The following ARHGAP19 variants were observed in gnomAD, a reference collection of about 807,000 sequenced individuals.
The protein encoded by ARHGAP19 is rho GTPase-activating protein 19.
A neutral mutation model predicts 60.9 loss-of-function variants in ARHGAP19; 48 were observed. The ratio of observed to expected loss-of-function variants is 0.79; its 90% CI spans 0.62 to 1.00. The LOEUF is 1.00. ARHGAP19 is among the 50% of genes least tolerant of loss of function. The probability of loss-of-function intolerance (pLI) is 0.00; values close to 1 mark genes in which losing one functional copy is unlikely to be tolerated. For missense variants in ARHGAP19, 562 were observed against 597.2 expected (o/e 0.94, Z 0.61); for synonymous variants, 209 against 215.5 (o/e 0.97, Z 0.27).
chr10:97,236,806 A>G (rs1449066701), intron 8 of ARHGAP19, among the ~76,000 whole-genome samples: 1 of 141,876 alleles, frequency 7.0e-6, no homozygotes, highest in East Asian at 2.0e-4. Flanking sequence ...AGACTCAGAA[A>G]AAAAAAAAAA....
intron 4 of ARHGAP19, among the ~76,000 whole-genome samples, chr10:97,259,891 A>AATG (rs1842806276): frequency 2.0e-5 from 3 of 151,910 alleles, no homozygotes; most frequent in African/African-American, 7.3e-5. Context: ...GCTGGAGTGC[A>AATG]GTTACACAAT....
At chr10:97,273,484 C>CTTTTTTTT (rs11442502) in intron 1 of ARHGAP19, among the ~76,000 whole-genome samples, 2 of 92,498 alleles carry the variant, frequency 2.2e-5, no homozygotes, top group African/African-American at 8.3e-5. Flanking sequence ...TTTCTGCTCT[C>CTTTTTTTT]TTTTTTTTTT....
chr10:97,265,821 A>C, intron 2 of ARHGAP19, 39 bp downstream of exon 2: 1 of 1,597,404 alleles, frequency 6.3e-7, no homozygotes, highest in Non-Finnish European at 8.5e-7. Flanking sequence ...CCCAGGGAGC[A>C]GCTGAGGCCT....
At position 97,249,786 on chromosome 10, in the gene ARHGAP19, G is replaced by A. The variant is rs865953383; in HGVS notation, c.928-3449C>T. 1.8e-3 allele frequency among the ~76,000 whole-genome samples: 274 copies of A among 148,314 alleles called. 1 individual carries two copies. The highest frequency in any genetic ancestry group is 2.3e-3 in the Non-Finnish European group (154 of 67,508). Reference sequence around the variant, plus strand: ...TTTTAGTTTCTTAGATGTGATAATAGTAGTGTGATTCTTTTTTTTTTTTTT... The same window carrying A: ...TTTTAGTTTCTTAGATGTGATAATAATAGTGTGATTCTTTTTTTTTTTTTT... On this transcript the variant is annotated intron_variant, in intron 6 of 11. Transcript: ENST00000358531.
At chr10:97,232,993 C>CA (rs1851053421) in intron 9 of ARHGAP19, among the ~76,000 whole-genome samples, 1 of 151,814 alleles carries the variant, frequency 6.6e-6, no homozygotes, top group Non-Finnish European at 1.5e-5. Context: ...ACTAAAAATA[C>CA]AAAAAATTAG....
chr10:97,235,853 AGAAGACCCAATGCATT>A (rs1399100257), intron 8 of ARHGAP19, among the ~76,000 whole-genome samples: 1 of 152,232 alleles, frequency 6.6e-6, no homozygotes, highest in East Asian at 1.9e-4. Flanking sequence ...GTGGAAAACG[AGAAGACCCAATGCATT>A]GAATAATCTT....
At chr10:97,254,721 A>AACACACTATC (rs1219790634) in intron 6 of ARHGAP19, among the ~76,000 whole-genome samples, 9 of 152,214 alleles carry the variant, frequency 5.9e-5, no homozygotes, top group African/African-American at 1.9e-4. Context: ...TGCACATCAA[A>AACACACTATC]ACACACTATC....
chr10:97,226,270 G>T, intron 11 of ARHGAP19, 138 bp from the exon 12 acceptor site: 1 of 807,848 alleles, frequency 1.2e-6, no homozygotes, highest in South Asian at 1.7e-5. Flanking sequence ...AAGAATGTGT[G>T]ACTCTACCAA....
intron 1 of ARHGAP19, among the ~76,000 whole-genome samples, chr10:97,279,794 T>C (rs1258370514): frequency 6.6e-6 from 1 of 152,048 alleles, no homozygotes; most frequent in Non-Finnish European, 1.5e-5. Flanking sequence ...CCAGCCCAAA[T>C]TTCAAACTAA....
At chr10:97,250,126 G>A (rs1362222349) in intron 6 of ARHGAP19, among the ~76,000 whole-genome samples, 1 of 152,058 alleles carries the variant, frequency 6.6e-6, no homozygotes, top group Non-Finnish European at 1.5e-5. Context: ...ATTGGGAGAT[G>A]CATACATAAG....
intron 1 of ARHGAP19, among the ~76,000 whole-genome samples, chr10:97,282,495 G>A (rs1214919739): frequency 6.6e-6 from 1 of 152,110 alleles, no homozygotes; most frequent in African/African-American, 2.4e-5. Context: ...GCTTAAGCTA[G>A]TTTTAGTTTC....
intron 1 of ARHGAP19, among the ~76,000 whole-genome samples, chr10:97,290,179 T>C (rs1280238971): frequency 2.0e-5 from 3 of 152,192 alleles, no homozygotes; most frequent in East Asian, 1.9e-4. Context: ...TGCACTCTTC[T>C]GGTCTATGTT....
chr10:97,240,530 A>C (rs1842462370), intron 8 of ARHGAP19, among the ~76,000 whole-genome samples: 1 of 152,194 alleles, frequency 6.6e-6, no homozygotes. Context: ...GCTCCACTAT[A>C]ATCTCAGTTA....
intron 1 of ARHGAP19, among the ~76,000 whole-genome samples, chr10:97,267,805 G>A (rs901334908): frequency 2.0e-5 from 3 of 152,168 alleles, no homozygotes; most frequent in East Asian, 1.9e-4. Context: ...CAGGGACTGC[G>A]CAAAGCAGCA....
At chr10:97,279,515 C>A (rs1843057460) in intron 1 of ARHGAP19, among the ~76,000 whole-genome samples, 1 of 128,786 alleles carries the variant, frequency 7.8e-6, no homozygotes, top group Non-Finnish European at 1.7e-5. Context: ...TTGTTTGAGG[C>A]TGGGTCTTCC....
chr10:97,290,130 T>A (rs1202593104), intron 1 of ARHGAP19, among the ~76,000 whole-genome samples: 1 of 152,162 alleles, frequency 6.6e-6, no homozygotes, highest in Non-Finnish European at 1.5e-5. Flanking sequence ...GTATGGGAAC[T>A]CTGTTTTCAC....
At chr10:97,229,339 C>A in intron 10 of ARHGAP19, 114 bp from the exon 11 acceptor site, 1 of 869,224 alleles carries the variant, frequency 1.2e-6, no homozygotes. Flanking sequence ...TTTTCTGAGA[C>A]TGATGTATTT....
chr10:97,262,196 AATTT>A (rs1842839210), intron 4 of ARHGAP19, among the ~76,000 whole-genome samples: 1 of 114,734 alleles, frequency 8.7e-6, no homozygotes, highest in African/African-American at 3.2e-5. Context: ...AAAAAAAAAA[AATTT>A]TTTTTTTTTT....
In ARHGAP19 at chr10:97,266,053, G is replaced by A; in HGVS notation, c.129C>T (p.Asp43=). ...LRGQPIIFNP[D]FFVEKLRHEK... Reference sequence around the variant, plus strand: ...CATGTCGGAGTTTCTCCACAAAAAAGTCAGGATTAAAGATAATGGGCTGAC... The same window carrying A: ...CATGTCGGAGTTTCTCCACAAAAAAATCAGGATTAAAGATAATGGGCTGAC... Residue 43 remains aspartate (D), a synonymous_variant, in exon 2 of 12, where the codon GAC becomes GAT. Transcript: ENST00000358531. The A allele has an allele frequency of 5.6e-6, 9 of 1,614,196 alleles. No homozygotes were observed. Among genetic ancestry groups the A allele is most frequent in the Non-Finnish European group, 7.6e-6 (9 of 1,180,038 alleles).
Sources: gnomAD v4.1 joint callset for allele counts (sites outside exome capture counted in the v4.1 genomes callset) on GRCh38, gnomAD v4.1.1 for gene constraint, MANE v1.5 for transcripts, NCBI Gene and HGNC (gene_info 2026-07-23, HGNC 2026-07-21) for gene names.